The following WDR37 variants were observed in gnomAD, a reference collection of about 807,000 sequenced individuals.
WDR37 encodes the protein WD repeat-containing protein 37.
A neutral mutation model predicts 62.9 loss-of-function variants in WDR37; 19 were observed. The ratio of observed to expected loss-of-function variants is 0.30; its 90% CI spans 0.21 to 0.44. The LOEUF is 0.44. WDR37 is among the 20% of genes least tolerant of loss of function. WDR37 has a pLI of 1.00. For synonymous variants in WDR37, 250 were observed against 260.9 expected, an observed-to-expected ratio of 0.96 and a Z score of 0.40; for missense variants, 474 against 657.6, an observed-to-expected ratio of 0.72 and a Z score of 3.05.
intron 7 of WDR37, among the ~76,000 whole-genome samples, chr10:1,093,127 C>T (rs571832701): frequency 8.6e-5 from 13 of 151,938 alleles, no homozygotes; most frequent in African/African-American, 2.4e-4. Context: ...TGTCTTCACC[C>T]GTTGTCATAA....
At chr10:1,062,223 G>A (rs1175241250) in intron 1 of WDR37, among the ~76,000 whole-genome samples, 1 of 152,200 alleles carries the variant, frequency 6.6e-6, no homozygotes, top group Non-Finnish European at 1.5e-5. Flanking sequence ...TAGTTGATCA[G>A]CAGAAAAAGA....
intron 11 of WDR37, among the ~76,000 whole-genome samples, chr10:1,116,500 C>T (rs1835406878): frequency 2.0e-5 from 3 of 152,112 alleles, no homozygotes; most frequent in Admixed American, 2.0e-4. Flanking sequence ...AGATAATGGC[C>T]CCCAGTTCTA....
intron 1 of WDR37, among the ~76,000 whole-genome samples, chr10:1,058,058 C>G (rs1168443853): frequency 1.7e-5 from 1 of 59,234 alleles, no homozygotes; most frequent in Non-Finnish European, 4.5e-5. Context: ...TTTGATATGT[C>G]CCAGGAGTTA....
intron 6 of WDR37, 25 bp from the exon 7 acceptor site, chr10:1,086,261 C>T (rs376309090): frequency 9.3e-5 from 149 of 1,606,470 alleles, no homozygotes; most frequent in African/African-American, 4.3e-4. Flanking sequence ...AGCTAAGTTC[C>T]GACTTCTTCA....
At chr10:1,113,195 C>T (rs146069673) in intron 11 of WDR37, among the ~76,000 whole-genome samples, 336 of 152,298 alleles carry the variant, frequency 2.2e-3, no homozygotes, top group African/African-American at 7.8e-3. Flanking sequence ...ACCTACTCTG[C>T]CTGTGCTCTA....
chr10:1,057,786 GC>G (rs1335903282), intron 1 of WDR37, among the ~76,000 whole-genome samples: 31 of 152,330 alleles, frequency 2.0e-4, no homozygotes, highest in African/African-American at 7.2e-4. Context: ...GTCCCTTGAA[GC>G]GGATACCATT....
intron 1 of WDR37, 31 bp from the exon 2 acceptor site, chr10:1,072,085 C>T: frequency 6.4e-7 from 1 of 1,560,614 alleles, no homozygotes; most frequent in Non-Finnish European, 8.7e-7. Context: ...CTCGCTGTAT[C>T]AGAAACACTG....
chr10:1,109,671 G>A (rs984710328), intron 11 of WDR37, among the ~76,000 whole-genome samples: 11 of 152,020 alleles, frequency 7.2e-5, no homozygotes, highest in South Asian at 2.1e-4. Flanking sequence ...AGATCACGCC[G>A]TTGCACTCCA....
chr10:1,119,726 G>A (rs1261054843), intron 11 of WDR37, among the ~76,000 whole-genome samples: 1 of 152,270 alleles, frequency 6.6e-6, no homozygotes, highest in Non-Finnish European at 1.5e-5. Flanking sequence ...CGTCACTGGA[G>A]TGACTTTACC....
intron 9 of WDR37, among the ~76,000 whole-genome samples, chr10:1,097,772 C>T (rs1450774505): frequency 6.6e-6 from 1 of 152,086 alleles, no homozygotes. Context: ...TTGCTTGGGC[C>T]CCACCACCCT....
chr10:1,106,212 G>A (rs1835012063), intron 11 of WDR37, among the ~76,000 whole-genome samples: 1 of 152,046 alleles, frequency 6.6e-6, no homozygotes, highest in Admixed American at 6.6e-5. Context: ...GTGTTCCCTG[G>A]TTCTTCTCTT....
intron 1 of WDR37, among the ~76,000 whole-genome samples, chr10:1,064,430 A>T (rs979740629): frequency 6.6e-6 from 1 of 152,122 alleles, no homozygotes; most frequent in African/African-American, 2.4e-5. Flanking sequence ...CAAGCCATAC[A>T]CCTTCAGACG....
chr10:1,098,774 C>A (rs545315784), intron 9 of WDR37, among the ~76,000 whole-genome samples: 107 of 152,348 alleles, frequency 7.0e-4, no homozygotes, highest in African/African-American at 2.5e-3. Context: ...TGACTAATTT[C>A]TGTTTTTGAA....
At chr10:1,089,579 C>T (rs113740553) in intron 7 of WDR37, among the ~76,000 whole-genome samples, 2,093 of 152,238 alleles carry the variant, frequency 0.014, 18 homozygotes, top group Middle Eastern at 0.027. Context: ...GTTCTTCACG[C>T]AGGTTAATTC....
At chr10:1,090,223 A>G (rs1281581162) in intron 7 of WDR37, among the ~76,000 whole-genome samples, 3 of 151,892 alleles carry the variant, frequency 2.0e-5, no homozygotes, top group East Asian at 1.9e-4. Context: ...CAGTGGTAGG[A>G]TCTCGGCTCA....
Position 1,115,411 on chromosome 10 carries a change from T to C in WDR37, c.1104-8807T>C, listed in dbSNP as rs148132927. ...GAAGTGATGACATGTTTGTGTGCTT[T>C]TATTTCCAAACACCTGGGGGAGAGA... On this transcript the variant is annotated intron_variant, in intron 11 of 13. Transcript: ENST00000263150. Among the ~76,000 whole-genome samples, 27 of 152,354 alleles carry C rather than the reference T, an allele frequency of 1.8e-4. 1 individual carries two copies. The East Asian group carries it at 2.7e-3, about 15-fold the overall frequency.
intron 6 of WDR37, among the ~76,000 whole-genome samples, chr10:1,084,796 T>G (rs1299980682): frequency 1.3e-5 from 2 of 152,226 alleles, no homozygotes; most frequent in Non-Finnish European, 2.9e-5. Context: ...AGCTGCATCC[T>G]GCATTCCATG....
intron 1 of WDR37, among the ~76,000 whole-genome samples, chr10:1,068,734 A>T (rs1000072887): frequency 6.6e-6 from 1 of 152,242 alleles, no homozygotes; most frequent in Non-Finnish European, 1.5e-5. Context: ...AACATAAGCA[A>T]TTCTGTTTCC....
chr10:1,058,090 C>CACGGTATGTAAACATGGTATG (rs11283910), intron 1 of WDR37, among the ~76,000 whole-genome samples: 3 of 151,776 alleles, frequency 2.0e-5, no homozygotes, highest in Admixed American at 1.3e-4. Flanking sequence ...TAAATATGAA[C>CACGGTATGTAAACATGGTATG]TCACCAATGT....
Sources: allele counts gnomAD v4.1 joint callset (sites outside exome capture counted in the v4.1 genomes callset), GRCh38; gene constraint gnomAD v4.1.1; transcripts MANE v1.5; gene names NCBI Gene and HGNC (gene_info 2026-07-23, HGNC 2026-07-21).